The following TGS1 variants were observed in gnomAD, a reference collection of about 807,000 sequenced individuals.
TGS1 encodes the protein trimethylguanosine synthase.
Under a neutral mutation model 92.2 loss-of-function variants are expected in TGS1, and 69 were observed. The observed-to-expected ratio is 0.75, with a 90% confidence interval of 0.62 to 0.91. TGS1 has a LOEUF of 0.91. Ranked by LOEUF, TGS1 falls within the 40% of genes least tolerant of loss-of-function variation. The pLI, the probability that TGS1 is intolerant of heterozygous loss-of-function variation, is 0.00. For synonymous variants in TGS1, 345 were observed against 338.1 expected (o/e 1.02, Z -0.22); for missense variants, 1,062 against 1,001.2 (o/e 1.06, Z -0.82).
At chr8:55,776,687 T>C (rs1265091692) in intron 1 of TGS1, among the ~76,000 whole-genome samples, 2 of 152,242 alleles carry the variant, frequency 1.3e-5, no homozygotes, top group African/African-American at 4.8e-5. Context: ...TTCTGCCTTT[T>C]AGTTTTTACT....
chr8:55,819,608 A>AT lies in TGS1; in HGVS notation c.2440-4966dup, dbSNP rs1365142191. 5.9e-5 allele frequency among the ~76,000 whole-genome samples: 9 copies of AT among 151,782 alleles called. No individual in the cohort carries two copies. The East Asian group carries it at 1.7e-3, about 29-fold the overall frequency. On this transcript the variant is annotated intron_variant, in intron 12 of 12. Coordinates refer to ENST00000260129, the MANE Select transcript of TGS1 (RefSeq NM_024831.8). ...CCACTGTGCCTGGCTGCCTGGGAGAATTTTTTTGACCTGCCACCAGGTGCT... is the reference window on the plus strand; with the variant it reads ...CCACTGTGCCTGGCTGCCTGGGAGAATTTTTTTTGACCTGCCACCAGGTGCT...
chr8:55,774,903 C>T (rs1204419489), intron 1 of TGS1, among the ~76,000 whole-genome samples: 1 of 152,092 alleles, frequency 6.6e-6, no homozygotes, highest in Admixed American at 6.6e-5. Context: ...TCTCTGCAGG[C>T]TGAACTCAGT....
In TGS1 at chr8:55,802,450, AT is replaced by A. The variant is rs1812243704; in HGVS notation, c.1850-3del. 6.2e-7 allele frequency: 1 copy of A among 1,611,146 alleles called. No individual in the cohort carries two copies. Among genetic ancestry groups the A allele is most frequent in the African/African-American group, 1.3e-5 (1 of 74,736 alleles). On this transcript the variant is annotated splice_region_variant and splice_polypyrimidine_tract_variant and intron_variant, in intron 8 of 12. Coordinates refer to ENST00000260129, the MANE Select transcript of TGS1 (RefSeq NM_024831.8). ...TGAGCATCTATATTCTTTGTATTTT[AT>A]TTTAGCTGAAGTGAAAAAGAAGAAG...
intron 12 of TGS1, among the ~76,000 whole-genome samples, chr8:55,821,391 T>C (rs1803629502): frequency 6.6e-6 from 1 of 152,204 alleles, no homozygotes; most frequent in Non-Finnish European, 1.5e-5. Flanking sequence ...TAAAGTAATT[T>C]ATGAACTGTT....
chr8:55,788,648 G>A (rs1811787720), intron 4 of TGS1, among the ~76,000 whole-genome samples: 1 of 151,834 alleles, frequency 6.6e-6, no homozygotes, highest in African/African-American at 2.4e-5. Context: ...ATTTTTAGTA[G>A]ATACGGGGTT....
intron 12 of TGS1, among the ~76,000 whole-genome samples, chr8:55,821,656 G>A (rs12550514): frequency 1.3e-5 from 2 of 152,134 alleles, no homozygotes; most frequent in Non-Finnish European, 2.9e-5. Context: ...GGTGGATCAC[G>A]AGGTCAGGAG....
chr8:55,790,725 C>A (rs1316385332), intron 5 of TGS1, among the ~76,000 whole-genome samples: 1 of 152,070 alleles, frequency 6.6e-6, no homozygotes, highest in Non-Finnish European at 1.5e-5. Flanking sequence ...CGCTATGTTG[C>A]CCAGGCTGAT....
intron 6 of TGS1, among the ~76,000 whole-genome samples, chr8:55,794,282 T>C (rs1194792007): frequency 2.0e-5 from 3 of 151,856 alleles, no homozygotes; most frequent in Non-Finnish European, 4.4e-5. Flanking sequence ...TCTTAAACTC[T>C]TGGCCTCAAG....
chr8:55,796,080 GA>G lies in TGS1; in HGVS notation c.1475del (p.Asn492ThrfsTer21). ...YLDMRRQIKM[K>X]NKHIFFTKES... ...TAGACATGCGCAGACAAATAAAGAT[GA>G]AAAACAAACACATCTTCTTTACCAA... On this transcript the variant is annotated frameshift_variant, in exon 7 of 13. Transcript: ENST00000260129. LOFTEE classifies it high-confidence loss of function. The G allele has an allele frequency of 6.2e-7, 1 of 1,613,214 alleles. No individual in the cohort carries two copies. The highest frequency in any genetic ancestry group is 8.5e-7 in the Non-Finnish European group (1 of 1,179,462).
At position 55,787,073 on chromosome 8, in the gene TGS1, A is replaced by G; in HGVS notation, c.1162+13A>G. On this transcript the variant is annotated intron_variant, in intron 4 of 12. Coordinates refer to ENST00000260129, the MANE Select transcript of TGS1 (RefSeq NM_024831.8). ...CCACCAGCTGAGGGTAAGATTAACC[A>G]AGATTTATTCTGCCATGTAATGGTT... is the stretch of plus-strand genomic sequence containing the variant. 1 of 1,584,754 alleles carries G rather than the reference A, an allele frequency of 6.3e-7. No individual in the cohort carries two copies. Among genetic ancestry groups the G allele is most frequent in the Non-Finnish European group, 8.6e-7 (1 of 1,164,296 alleles).
At chr8:55,802,755 T>C in intron 9 of TGS1, 149 bp downstream of exon 9, 2 of 678,056 alleles carry the variant, frequency 2.9e-6, no homozygotes, top group Non-Finnish European at 4.8e-6. Context: ...TCTCATTCTC[T>C]CTCCATATGT....
chr8:55,786,554 CG>C lies in TGS1; in HGVS notation c.659del (p.Gly220ValfsTer69). 6.2e-7 allele frequency: 1 copy of C among 1,614,080 alleles called. No individual in the cohort carries two copies. The highest frequency in any genetic ancestry group is 8.5e-7 in the Non-Finnish European group (1 of 1,180,000). On this transcript the variant is annotated frameshift_variant, in exon 4 of 13. Transcript: ENST00000260129. LOFTEE classifies it high-confidence loss of function. ...LLWQSWQEKHPGQALSSEPWN... is the reference protein window; with the variant it reads ...LLWQSWQEKHXGQALSSEPWN... The stretch of plus-strand genomic sequence containing the variant: ...TGGCAAAGTTGGCAAGAAAAACATC[CG>C]GGTCAAGCACTATCTTCTGAACCTT...
intron 10 of TGS1, 112 bp downstream of exon 10, chr8:55,805,148 TATGAA>T (rs1488973212): frequency 1.7e-5 from 12 of 714,848 alleles, no homozygotes; most frequent in Non-Finnish European, 2.5e-5. Flanking sequence ...AATAATTTAA[TATGAA>T]ATGATATAAA....
intron 9 of TGS1, 53 bp from the exon 10 acceptor site, chr8:55,804,840 T>C: frequency 6.4e-7 from 1 of 1,551,232 alleles, no homozygotes; most frequent in South Asian, 1.1e-5. Flanking sequence ...TGTTTATGCT[T>C]GCCTTGGCTT....
rs749398271 is a variant in TGS1, at chr8:55,793,246, C to T, written c.1367+462C>T. Among the ~76,000 whole-genome samples, 29 of 152,184 alleles carry T rather than the reference C, an allele frequency of 1.9e-4. 1 individual carries two copies. Among genetic ancestry groups the T allele is most frequent in the Non-Finnish European group, 1.5e-5 (1 of 68,030 alleles). ...AGTAAAAAGTAAAAAATATTTTCTT[C>T]CAGTCGTTCTCAAATGTAGGCAGTG... is the stretch of plus-strand genomic sequence containing the variant. On this transcript the variant is annotated intron_variant, in intron 6 of 12. Coordinates refer to ENST00000260129, the MANE Select transcript of TGS1 (RefSeq NM_024831.8).
intron 12 of TGS1, among the ~76,000 whole-genome samples, chr8:55,821,501 A>C (rs1803632427): frequency 6.6e-6 from 1 of 152,164 alleles, no homozygotes; most frequent in Non-Finnish European, 1.5e-5. Flanking sequence ...ACCCTCTGAA[A>C]GGTATTAAGA....
At chr8:55,814,511 A>G (rs1236637548) in intron 12 of TGS1, among the ~76,000 whole-genome samples, 1 of 151,718 alleles carries the variant, frequency 6.6e-6, no homozygotes, top group Admixed American at 6.6e-5. Flanking sequence ...AAATATTAAT[A>G]GTATGTGTTA....
intron 1 of TGS1, among the ~76,000 whole-genome samples, chr8:55,782,505 G>A (rs1173172847): frequency 2.0e-5 from 3 of 152,152 alleles, no homozygotes; most frequent in Admixed American, 2.0e-4. Context: ...AGCAGTTATA[G>A]TAATAAATGC....
chr8:55,786,431 A>T lies in TGS1; in HGVS notation c.533A>T (p.Glu178Val), dbSNP rs184220508. ...GAACTTCAAAGCAAAAAAGATACTGAGACAGAAAATCCTCCAGTTGAAAAC... is the reference window on the plus strand; with the variant it reads ...GAACTTCAAAGCAAAAAAGATACTGTGACAGAAAATCCTCCAGTTGAAAAC... The part of the protein sequence containing the change: ...TYELQSKKDT[E>V]TENPPVENTL... Residue 178 changes from glutamate to valine, a missense_variant, in exon 4 of 13, where the codon GAG (glutamate) becomes GTG (valine). By Grantham distance (121) the Glu-to-Val change is moderately radical. Transcript: ENST00000260129. 19 of 1,613,598 alleles carry T rather than the reference A, an allele frequency of 1.2e-5. No homozygotes were observed. The African/African-American group carries it at 2.5e-4, about 22-fold the overall frequency.
Sources: gnomAD v4.1 joint callset for allele counts (sites outside exome capture counted in the v4.1 genomes callset) on GRCh38, gnomAD v4.1.1 for gene constraint, MANE v1.5 for transcripts, NCBI Gene and HGNC (gene_info 2026-07-23, HGNC 2026-07-21) for gene names.